NSL1: variants seen among roughly 807,000 people sequenced by gnomAD.
NSL1 encodes kinetochore-associated protein NSL1 homolog.
NSL1 carries 11 observed loss-of-function variants against 25.4 expected under a neutral mutation model. The ratio of observed to expected loss-of-function variants is 0.43; its 90% CI spans 0.27 to 0.72. The LOEUF is 0.72. NSL1 is among the 30% of genes least tolerant of loss of function. NSL1 has a pLI of 0.19. For synonymous variants in NSL1, 118 were observed against 120.6 expected (o/e 0.98, Z 0.14); for missense variants, 330 against 342.7 (o/e 0.96, Z 0.29).
rs2102415863 is a variant in NSL1 at position 212,727,654 on chromosome 1, T to C, written c.*10754A>G. The C allele has an allele frequency of 1.0e-6, 1 of 985,310 alleles. No individual in the cohort carries two copies. The highest frequency in any genetic ancestry group is 1.7e-5 in the African/African-American group (1 of 57,344). The allele number at this position is 985,310 out of a possible 1,614,324, so 61.0% of individuals were successfully genotyped here. A position where few individuals can be genotyped will look rare whatever the true frequency, so the allele number is the denominator to read the frequency against. Reference sequence around the variant, plus strand: ...TCACAAATTCAGAATTTACTATAATTATAATCCTGAACAATCAGGACTGTT... The same window carrying C: ...TCACAAATTCAGAATTTACTATAATCATAATCCTGAACAATCAGGACTGTT... On this transcript the variant is annotated 3_prime_UTR_variant, in exon 6 of 6. Coordinates refer to ENST00000366977, the MANE Select transcript of NSL1 (RefSeq NM_015471.4).
intron 4 of NSL1, among the ~76,000 whole-genome samples, chr1:212,776,904 A>T (rs1488376434): frequency 6.6e-6 from 1 of 151,960 alleles, no homozygotes; most frequent in African/African-American, 2.4e-5. Context: ...AAGACAAACA[A>T]ATGAATTAAG....
chr1:212,779,403 G>A (rs1362474499), intron 4 of NSL1, among the ~76,000 whole-genome samples: 12 of 136,274 alleles, frequency 8.8e-5, no homozygotes, highest in East Asian at 2.4e-4. Context: ...CCCCCGCCCG[G>A]CCAGCCGCCC....
chr1:212,788,306 G>C (rs1394340208), intron 1 of NSL1, among the ~76,000 whole-genome samples: 5 of 152,206 alleles, frequency 3.3e-5, no homozygotes, highest in South Asian at 2.1e-4. Context: ...CCGGCTACTT[G>C]AAAGGCTGAG....
chr1:212,785,870 TA>T lies in NSL1; in HGVS notation c.314-1378del, dbSNP rs1382347663. Among the ~76,000 whole-genome samples the T allele has an allele frequency of 8.5e-5, 13 of 152,332 alleles. No individual in the cohort carries two copies. In the East Asian group the frequency reaches 2.5e-3, roughly 29 times the overall value. On this transcript the variant is annotated intron_variant, in intron 2 of 5. Coordinates refer to ENST00000366977, the MANE Select transcript of NSL1 (RefSeq NM_015471.4). ...AGGAAGAAATCTAACATCTGAAACA[TA>T]ATTTTTGAAACATTTTGAGAAATTG...
intron 4 of NSL1, among the ~76,000 whole-genome samples, chr1:212,746,898 C>T (rs1658820810): frequency 6.6e-6 from 1 of 152,196 alleles, no homozygotes; most frequent in Admixed American, 6.5e-5. Flanking sequence ...GTAATCCCAA[C>T]ACTTTGGGAG....
At position 212,784,385 on chromosome 1, in the gene NSL1, A is replaced by T. The variant is rs1244477666; in HGVS notation, c.422T>A (p.Ile141Lys). 13 of 1,579,814 alleles carry T rather than the reference A, an allele frequency of 8.2e-6. No individual in the cohort carries two copies. The highest frequency in any genetic ancestry group is 9.5e-6 in the Non-Finnish European group (11 of 1,159,640). Residue 141 changes from isoleucine to lysine, a missense_variant, in exon 3 of 6, where the codon ATA becomes AAA. Coordinates refer to ENST00000366977, the MANE Select transcript of NSL1 (RefSeq NM_015471.4). ...RKILECVIKT[I>K]KAKQEILKQY... ...TACCAGAATTTCTTGTTTTGCTTTT[A>T]TGGTTTTGATGACACATTCCAGGAT...
chr1:212,790,487 T>A (rs1190066075), intron 1 of NSL1, among the ~76,000 whole-genome samples: 1 of 152,178 alleles, frequency 6.6e-6, no homozygotes, highest in Non-Finnish European at 1.5e-5. Flanking sequence ...AAGGTGGTAG[T>A]TTTTTGGGAA....
At chr1:212,779,798 C>A in intron 4 of NSL1, among the ~76,000 whole-genome samples, 1 of 116,026 alleles carries the variant, frequency 8.6e-6, no homozygotes, top group Non-Finnish European at 1.9e-5. Flanking sequence ...GTCAGCCCCC[C>A]GCCCGGCCAG....
At chr1:212,757,584 G>C (rs1331260007) in intron 4 of NSL1, among the ~76,000 whole-genome samples, 1 of 152,156 alleles carries the variant, frequency 6.6e-6, no homozygotes, top group African/African-American at 2.4e-5. Flanking sequence ...AGGAGGAACG[G>C]TACATCCATG....
intron 3 of NSL1, among the ~76,000 whole-genome samples, chr1:212,783,190 G>T (rs6685348): frequency 0.025 from 3,738 of 152,048 alleles, 132 homozygotes; most frequent in African/African-American, 0.083. Context: ...AAAGGTCTTT[G>T]GTATCCTCAC....
rs11342201 is a variant in NSL1, at chr1:212,732,028, ATTTTT to A, written c.*6375_*6379del. The A allele has an allele frequency of 1.4e-5, 13 of 930,744 alleles. No individual in the cohort carries two copies. The highest frequency in any genetic ancestry group is 1.2e-4 in the East Asian group (1 of 8,362). The allele number at this position is 930,744 out of a possible 1,614,324, so 57.7% of individuals were successfully genotyped here. ...TTAGCCTCCCAGTGTAACTGTCCCA[ATTTTT>A]TTTTTTTTTTTTTACTGAATTCAGA... On this transcript the variant is annotated 3_prime_UTR_variant, in exon 6 of 6. Transcript: ENST00000366977.
chr1:212,788,938 G>A (rs1048428798), intron 1 of NSL1, among the ~76,000 whole-genome samples: 18 of 152,088 alleles, frequency 1.2e-4, no homozygotes, highest in African/African-American at 4.3e-4. Context: ...AGAGAAAGAG[G>A]TAAAGCCACA....
chr1:212,768,067 C>G (rs1659901477), intron 4 of NSL1, among the ~76,000 whole-genome samples: 2 of 152,298 alleles, frequency 1.3e-5, no homozygotes, highest in East Asian at 1.9e-4. Context: ...CACCTGTAAT[C>G]CCAGCACTTT....
chr1:212,766,414 G>GA lies in NSL1; in HGVS notation c.499+15957dup, dbSNP rs1285052589. 6 of 409,194 alleles carry GA rather than the reference G, an allele frequency of 1.5e-5. No individual in the cohort carries two copies. The Admixed American group carries it at 2.2e-4, about 15-fold the overall frequency. 25.3% of individuals were successfully genotyped at this position (409,194 alleles called of 1,614,324 possible). On this transcript the variant is annotated intron_variant, in intron 4 of 5. Coordinates refer to ENST00000366977, the MANE Select transcript of NSL1 (RefSeq NM_015471.4). The stretch of plus-strand genomic sequence containing the variant: ...AACTGTCACTGTTTGCCAGTGATAT[G>GA]ATCGTATACCTTAGAAAACCCTGAA...
At position 212,739,790 on chromosome 1, in the gene NSL1, A is replaced by G. The variant is rs1233167745; in HGVS notation, c.500-189T>C. Among the ~76,000 whole-genome samples, 3 of 152,270 alleles carry G rather than the reference A, an allele frequency of 2.0e-5. No homozygotes were observed. The East Asian group carries it at 5.8e-4, about 29-fold the overall frequency. On this transcript the variant is annotated intron_variant, in intron 4 of 5. Transcript: ENST00000366977. Reference sequence around the variant, plus strand: ...TAGAGTAAAACTAAAAGTTATAAGCATAAGATGGTACACAAAATTCTATTA... The same window carrying G: ...TAGAGTAAAACTAAAAGTTATAAGCGTAAGATGGTACACAAAATTCTATTA...
chr1:212,731,874 TC>T lies in NSL1; in HGVS notation c.*6533del. On this transcript the variant is annotated 3_prime_UTR_variant, in exon 6 of 6. Coordinates refer to ENST00000366977, the MANE Select transcript of NSL1 (RefSeq NM_015471.4). Reference sequence around the variant, plus strand: ...CCACTCTGGCTGCTCCAGCTCCATGTCCTGGGACACCCTACCCTGCCCCAGG... The same window carrying T: ...CCACTCTGGCTGCTCCAGCTCCATGTCTGGGACACCCTACCCTGCCCCAGG... The T allele has an allele frequency of 1.0e-6, 1 of 985,388 alleles. No individual in the cohort carries two copies. The highest frequency in any genetic ancestry group is 4.7e-5 in the South Asian group (1 of 21,276). The allele number at this position is 985,388 out of a possible 1,614,324, so 61.0% of individuals were successfully genotyped here.
In NSL1 at chr1:212,737,355, C is replaced by T. The variant is rs1571861076; in HGVS notation, c.*1053G>A. On this transcript the variant is annotated 3_prime_UTR_variant, in exon 6 of 6. Coordinates refer to ENST00000366977, the MANE Select transcript of NSL1 (RefSeq NM_015471.4). ...TAATACATAATAAGCAAGAGAAATA[C>T]AGATTTTCCAACCTCATGATCAGTA... is the stretch of plus-strand genomic sequence containing the variant. 3.0e-6 allele frequency: 3 copies of T among 984,620 alleles called. No individual in the cohort carries two copies. Among genetic ancestry groups the T allele is most frequent in the Non-Finnish European group, 3.6e-6 (3 of 829,290 alleles). 61.0% of individuals were successfully genotyped at this position (984,620 alleles called of 1,614,324 possible).
At chr1:212,772,951 AC>A (rs1425439588) in intron 4 of NSL1, among the ~76,000 whole-genome samples, 1 of 152,180 alleles carries the variant, frequency 6.6e-6, no homozygotes, top group Non-Finnish European at 1.5e-5. Context: ...GGGAAAGGAC[AC>A]CCTCTTCAAT....
At position 212,727,044 on chromosome 1, in the gene NSL1, AGAGG is replaced by A. The variant is rs1471282765; in HGVS notation, c.*11360_*11363del. 20 of 1,477,674 alleles carry A rather than the reference AGAGG, an allele frequency of 1.4e-5. No individual in the cohort carries two copies. The highest frequency in any genetic ancestry group is 1.7e-5 in the Non-Finnish European group (19 of 1,097,842). 91.5% of individuals were successfully genotyped at this position (1,477,674 alleles called of 1,614,324 possible). A position where few individuals can be genotyped will look rare whatever the true frequency, so the allele number is the denominator to read the frequency against. On this transcript the variant is annotated 3_prime_UTR_variant, in exon 6 of 6. Transcript: ENST00000366977. Reference sequence around the variant, plus strand: ...TCCGGCCTTGGAGATGACTGCCGAGAGAGGGAGGGCGGGCTCTGGGTCACCCAGC... The same window carrying A: ...TCCGGCCTTGGAGATGACTGCCGAGAGAGGGCGGGCTCTGGGTCACCCAGC...
Sources: gnomAD v4.1 joint callset for allele counts (sites outside exome capture counted in the v4.1 genomes callset) on GRCh38, gnomAD v4.1.1 for gene constraint, MANE v1.5 for transcripts, NCBI Gene and HGNC (gene_info 2026-07-23, HGNC 2026-07-21) for gene names.